CCDC178: variants seen among roughly 807,000 people sequenced by gnomAD.
CCDC178 encodes coiled-coil domain-containing protein 178.
In CCDC178, 126 loss-of-function variants were observed where a neutral mutation model predicts 117.4. That is an observed-to-expected ratio of 1.07 (90% CI 0.93 to 1.24). CCDC178 has a LOEUF of 1.24. Ranked by LOEUF, CCDC178 falls within the 50% of genes most tolerant of loss-of-function variation. The pLI is 0.00. For synonymous variants in CCDC178, 283 were observed against 313.4 expected (o/e 0.90, Z 1.02); for missense variants, 1,030 against 986.9 (o/e 1.04, Z -0.59).
intron 20 of CCDC178, among the ~76,000 whole-genome samples, chr18:33,129,038 T>C (rs1237316374): frequency 6.6e-6 from 1 of 152,148 alleles, no homozygotes; most frequent in Non-Finnish European, 1.5e-5. Context: ...ACCCCTGGTA[T>C]AACTCATATT....
intron 20 of CCDC178, among the ~76,000 whole-genome samples, chr18:33,193,749 C>A (rs2058891489): frequency 6.6e-6 from 1 of 152,128 alleles, no homozygotes; most frequent in Non-Finnish European, 1.5e-5. Flanking sequence ...ACTACCTTTT[C>A]TTGATTTACA....
chr18:33,049,201 C>T (rs1209469905), intron 21 of CCDC178, among the ~76,000 whole-genome samples: 2 of 152,012 alleles, frequency 1.3e-5, no homozygotes, highest in African/African-American at 2.4e-5. Context: ...AAAACCCCAA[C>T]ATTTAGTGGT....
At chr18:33,236,419 A>T (rs894535735) in intron 15 of CCDC178, among the ~76,000 whole-genome samples, 1 of 152,160 alleles carries the variant, frequency 6.6e-6, no homozygotes, top group African/African-American at 2.4e-5. Context: ...ATGCATGTGT[A>T]TATTATAGAA....
intron 9 of CCDC178, among the ~76,000 whole-genome samples, chr18:33,343,284 T>TA (rs1337009206): frequency 6.6e-6 from 1 of 152,196 alleles, no homozygotes; most frequent in African/African-American, 2.4e-5. Flanking sequence ...ATAATATAGG[T>TA]ACTCTTTTAT....
At chr18:33,382,771 C>T (rs1162789439) in intron 5 of CCDC178, among the ~76,000 whole-genome samples, 1 of 152,134 alleles carries the variant, frequency 6.6e-6, no homozygotes, top group Non-Finnish European at 1.5e-5. Context: ...CACTGGGCTG[C>T]AGGAGTTTTT....
intron 14 of CCDC178, among the ~76,000 whole-genome samples, chr18:33,257,206 CT>C (rs1208622804): frequency 6.6e-6 from 1 of 151,946 alleles, no homozygotes; most frequent in Admixed American, 6.6e-5. Flanking sequence ...TGGTTAGGGC[CT>C]TCTAAAAACA....
At chr18:33,278,157 A>G (rs2059973452) in intron 12 of CCDC178, among the ~76,000 whole-genome samples, 1 of 151,644 alleles carries the variant, frequency 6.6e-6, no homozygotes, top group South Asian at 2.1e-4. Flanking sequence ...CCTGGGGTGA[A>G]ATGTCTTCTT....
At chr18:33,057,884 T>C (rs909983071) in intron 21 of CCDC178, among the ~76,000 whole-genome samples, 1 of 152,180 alleles carries the variant, frequency 6.6e-6, no homozygotes, top group South Asian at 2.1e-4. Flanking sequence ...TTAAGCTCTA[T>C]ACAGTATTAC....
chr18:33,169,482 C>CAA (rs1160949253), intron 20 of CCDC178, among the ~76,000 whole-genome samples: 11 of 152,170 alleles, frequency 7.2e-5, no homozygotes, highest in Admixed American at 7.2e-4. Context: ...TCACTAACTT[C>CAA]AAGTGCCATT....
chr18:32,947,573 T>A (rs1251655617), intron 22 of CCDC178, among the ~76,000 whole-genome samples: 1 of 152,174 alleles, frequency 6.6e-6, no homozygotes, highest in Non-Finnish European at 1.5e-5. Context: ...AATAATTGAG[T>A]TTTGAAAGTT....
chr18:33,253,887 TC>T (rs950839764), intron 14 of CCDC178, among the ~76,000 whole-genome samples: 2 of 151,882 alleles, frequency 1.3e-5, no homozygotes, highest in African/African-American at 4.8e-5. Flanking sequence ...ATAATACCTA[TC>T]ATCAAAGTTG....
chr18:33,356,117 T>A (rs2144713059), intron 7 of CCDC178, among the ~76,000 whole-genome samples: 1 of 152,276 alleles, frequency 6.6e-6, no homozygotes. Context: ...GTTGTTTTTG[T>A]GGAGGGGTGG....
intron 2 of CCDC178, among the ~76,000 whole-genome samples, chr18:33,433,872 A>T (rs2064253597): frequency 6.6e-6 from 1 of 152,096 alleles, no homozygotes; most frequent in Non-Finnish European, 1.5e-5. Flanking sequence ...CTCTGGATTT[A>T]TCATTATGCC....
At chr18:32,971,147 A>T (rs1281168689) in intron 22 of CCDC178, among the ~76,000 whole-genome samples, 2 of 151,750 alleles carry the variant, frequency 1.3e-5, no homozygotes, top group Non-Finnish European at 2.9e-5. Context: ...TGCATTAGGT[A>T]TTTGTCCTAA....
At chr18:32,965,953 TAA>T (rs912899501) in intron 22 of CCDC178, among the ~76,000 whole-genome samples, 3 of 148,968 alleles carry the variant, frequency 2.0e-5, no homozygotes, top group Non-Finnish European at 3.0e-5. Context: ...TAAAAATATA[TAA>T]GATATATAAT....
intron 2 of CCDC178, among the ~76,000 whole-genome samples, chr18:33,439,310 C>T (rs2064341872): frequency 6.6e-6 from 1 of 152,142 alleles, no homozygotes; most frequent in African/African-American, 2.4e-5. Flanking sequence ...TTAGTTGAGT[C>T]TAAGGTTGTG....
At chr18:33,073,510 T>TCTATC (rs1196152520) in intron 21 of CCDC178, among the ~76,000 whole-genome samples, 7 of 69,616 alleles carry the variant, frequency 1.0e-4, no homozygotes, top group African/African-American at 4.3e-4. Flanking sequence ...TCAGCATCTA[T>TCTATC]CTATCTATCT....
intron 22 of CCDC178, among the ~76,000 whole-genome samples, chr18:32,956,125 G>C (rs1438053475): frequency 6.6e-6 from 1 of 151,960 alleles, no homozygotes; most frequent in East Asian, 1.9e-4. Flanking sequence ...TTTTAAGTGA[G>C]AAAGATAAAA....
chr18:33,009,425 A>C (rs980583999), intron 21 of CCDC178, among the ~76,000 whole-genome samples: 3 of 151,956 alleles, frequency 2.0e-5, no homozygotes, highest in Non-Finnish European at 4.4e-5. Flanking sequence ...TCTCTCTTTT[A>C]CACTGGCCCG....
Sources: allele counts gnomAD v4.1 joint callset (sites outside exome capture counted in the v4.1 genomes callset), GRCh38; gene constraint gnomAD v4.1.1; transcripts MANE v1.5; gene names NCBI Gene and HGNC (gene_info 2026-07-23, HGNC 2026-07-21).